Variants in QTMAN observed in about 807,000 individuals in gnomAD.
QTMAN encodes queuosine-tRNA mannosyltransferase, also known as tRNA-queuosine alpha-mannosyltransferase.
the QTMAN span, among the ~76,000 whole-genome samples, chr2:144,179,222 T>C: frequency 0.066 from 10,073 of 152,216 alleles, 586 homozygotes; most frequent in African/African-American, 0.16. Flanking sequence ...TGAAATGGGA[T>C]ATTCCTTTAC....
At chr2:144,030,735 A>C in the QTMAN span, among the ~76,000 whole-genome samples, 9 of 152,316 alleles carry the variant, frequency 5.9e-5, no homozygotes, top group African/African-American at 2.2e-4. Context: ...GTGTCAAGAG[A>C]GACAGGGAGA....
the QTMAN span, chr2:144,141,875 T>C: frequency 3.4e-5 from 55 of 1,597,234 alleles, no homozygotes; most frequent in Non-Finnish European, 4.5e-5. Context: ...GAGTCAAACA[T>C]ACTGACCTGC....
At chr2:144,062,916 C>T in the QTMAN span, among the ~76,000 whole-genome samples, 1 of 152,052 alleles carries the variant, frequency 6.6e-6, no homozygotes, top group Non-Finnish European at 1.5e-5. Flanking sequence ...AGAACCAGTT[C>T]CTGTACCCTC....
chr2:144,294,103 C>T, the QTMAN span, among the ~76,000 whole-genome samples: 1 of 152,152 alleles, frequency 6.6e-6, no homozygotes, highest in Non-Finnish European at 1.5e-5. Context: ...CTAATTCCTC[C>T]CATTTCCACC....
chr2:144,288,081 G>A, the QTMAN span, among the ~76,000 whole-genome samples: 4 of 152,008 alleles, frequency 2.6e-5, no homozygotes, highest in African/African-American at 4.8e-5. Flanking sequence ...ATGTTGGCCA[G>A]GATGGTCTCG....
the QTMAN span, among the ~76,000 whole-genome samples, chr2:144,209,619 G>C: frequency 6.6e-6 from 1 of 152,180 alleles, no homozygotes; most frequent in Non-Finnish European, 1.5e-5. Context: ...TTTCATCACA[G>C]AGAATTAGCT....
chr2:144,028,588 T>C, the QTMAN span, among the ~76,000 whole-genome samples: 1 of 152,154 alleles, frequency 6.6e-6, no homozygotes, highest in Admixed American at 6.5e-5. Flanking sequence ...CCTGGAGCCA[T>C]GTTGATGAGA....
At chr2:144,144,789 C>T in the QTMAN span, among the ~76,000 whole-genome samples, 1 of 151,836 alleles carries the variant, frequency 6.6e-6, no homozygotes, top group African/African-American at 2.4e-5. Flanking sequence ...CGGGTCTGTT[C>T]AAATACATCA....
At chr2:143,978,206 GCT>G in the QTMAN span, among the ~76,000 whole-genome samples, 1 of 152,062 alleles carries the variant, frequency 6.6e-6, no homozygotes, top group Non-Finnish European at 1.5e-5. Flanking sequence ...TGCTTGTTAT[GCT>G]CTCTCCTACT....
At chr2:143,984,471 T>C in the QTMAN span, among the ~76,000 whole-genome samples, 1 of 152,152 alleles carries the variant, frequency 6.6e-6, no homozygotes, top group Non-Finnish European at 1.5e-5. Flanking sequence ...TCAACAGGGA[T>C]TGCAGGTTGC....
At chr2:144,044,732 A>G in the QTMAN span, among the ~76,000 whole-genome samples, 2 of 152,240 alleles carry the variant, frequency 1.3e-5, no homozygotes, top group Admixed American at 1.3e-4. Context: ...TAACTAGATA[A>G]CCCAGGCACC....
the QTMAN span, among the ~76,000 whole-genome samples, chr2:144,279,477 A>C: frequency 6.6e-6 from 1 of 152,114 alleles, no homozygotes; most frequent in Non-Finnish European, 1.5e-5. Context: ...AGAGAACTGT[A>C]TGAAAGCAAG....
At chr2:143,988,903 T>C in the QTMAN span, among the ~76,000 whole-genome samples, 4 of 152,238 alleles carry the variant, frequency 2.6e-5, no homozygotes, top group South Asian at 8.3e-4. Context: ...TTATGCTAAA[T>C]TAAAAATATT....
the QTMAN span, chr2:143,939,747 A>C: frequency 1.3e-5 from 2 of 152,236 alleles, no homozygotes; most frequent in Non-Finnish European, 1.5e-5. Context: ...TAATCCACTT[A>C]GTAAAATACT....
chr2:144,252,820 G>A, the QTMAN span, among the ~76,000 whole-genome samples: 1 of 152,130 alleles, frequency 6.6e-6, no homozygotes, highest in Non-Finnish European at 1.5e-5. Flanking sequence ...GTTTTACTCA[G>A]AACTGCCAAA....
At chr2:144,169,124 A>G in the QTMAN span, among the ~76,000 whole-genome samples, 128 of 152,222 alleles carry the variant, frequency 8.4e-4, no homozygotes, top group South Asian at 4.6e-3. Flanking sequence ...TTAGTTTTCA[A>G]TGTAAGCTAC....
the QTMAN span, among the ~76,000 whole-genome samples, chr2:144,016,495 G>A: frequency 6.6e-6 from 1 of 151,980 alleles, no homozygotes; most frequent in Non-Finnish European, 1.5e-5. Context: ...ACGTACATTT[G>A]CTCTTTCTGT....
chr2:144,160,730 G>A, the QTMAN span, among the ~76,000 whole-genome samples: 28 of 152,076 alleles, frequency 1.8e-4, no homozygotes, highest in Non-Finnish European at 3.4e-4. Flanking sequence ...TCACATCAAC[G>A]GTTAGAGGGG....
chr2:144,240,151 A>G, the QTMAN span, among the ~76,000 whole-genome samples: 1 of 152,238 alleles, frequency 6.6e-6, no homozygotes, highest in Admixed American at 6.5e-5. Flanking sequence ...TAAACCTTTT[A>G]ATAAAAGTAC....
Sources: allele counts gnomAD v4.1 joint callset (sites outside exome capture counted in the v4.1 genomes callset), GRCh38; gene constraint gnomAD v4.1.1; transcripts MANE v1.5; gene names NCBI Gene and HGNC (gene_info 2026-07-23, HGNC 2026-07-21).